Variants in NACA observed in about 807,000 individuals in gnomAD.
NACA encodes nascent polypeptide associated complex subunit alpha.
NACA carries 42 observed loss-of-function variants against 86.4 expected under a neutral mutation model. That is an observed-to-expected ratio of 0.49 (90% CI 0.38 to 0.63). The LOEUF is 0.63. Among genes scored for constraint, NACA ranks in the 20% least tolerant of loss-of-function variants. The probability of loss-of-function intolerance (pLI) is 0.00; values close to 1 mark genes in which losing one functional copy is unlikely to be tolerated. For synonymous variants in NACA, 898 were observed against 973.7 expected, an observed-to-expected ratio of 0.92 and a Z score of 1.45; for missense variants, 2,157 against 2,483.6, an observed-to-expected ratio of 0.87 and a Z score of 2.80.
Position 56,718,945 on chromosome 12 carries a change from T to C in NACA, c.2585A>G (p.Lys862Arg), listed in dbSNP as rs750990169. 169 of 1,444,508 alleles carry C rather than the reference T, an allele frequency of 1.2e-4. No individual in the cohort carries two copies. Among genetic ancestry groups the C allele is most frequent in the Non-Finnish European group, 1.4e-4 (150 of 1,069,872 alleles). The allele number at this position is 1,444,508 out of a possible 1,614,324, so 89.5% of individuals were successfully genotyped here. Residue 862 changes from lysine to arginine, a missense_variant, in exon 3 of 9, where the codon AAA (lysine) becomes AGA (arginine). Physicochemically the swap from Lys to Arg is conservative, Grantham distance 26. Around this residue, in one of 8 missense-constraint regions of NACA, gnomAD observed 174 missense variants for 217.0 expected, o/e 0.80. Coordinates refer to ENST00000454682, the MANE Select transcript of NACA (RefSeq NM_001365896.1). ...CACAGCTGAGGGAGTAGGGGCCCCTTTGGGGGATGGAGGAGTGGGAGAATG... is the reference window on the plus strand; with the variant it reads ...CACAGCTGAGGGAGTAGGGGCCCCTCTGGGGGATGGAGGAGTGGGAGAATG... Reference protein sequence around the residue: ...TTHSPTPPSPKGAPTPSAVTP... With the variant: ...TTHSPTPPSPRGAPTPSAVTP...
chr12:56,718,876 G>T lies in NACA; in HGVS notation c.2654C>A (p.Thr885Asn), dbSNP rs781636807. ...PKGVTLPPKE[T>N]PTPSVVNLPF... The stretch of plus-strand genomic sequence containing the variant: ...CAGATTCACCACTGAAGGAGTGGGG[G>T]TCTCTTTGGGGGGTAGTGTTACTCC... The change falls in exon 3 of 9, where the codon ACC (threonine) becomes AAC (asparagine). Residue 885 changes from threonine to asparagine, a missense_variant. Transcript: ENST00000454682. The T allele has an allele frequency of 7.8e-6, 11 of 1,418,526 alleles. No homozygotes were observed. Among genetic ancestry groups the T allele is most frequent in the African/African-American group, 1.5e-5 (1 of 68,114 alleles). The allele number at this position is 1,418,526 out of a possible 1,614,324, so 87.9% of individuals were successfully genotyped here.
At chr12:56,721,788 GAAC>G (rs1403370488) in intron 2 of NACA, among the ~76,000 whole-genome samples, 1 of 152,184 alleles carries the variant, frequency 6.6e-6, no homozygotes, top group African/African-American at 2.4e-5. Flanking sequence ...GGTAGGTTGA[GAAC>G]AACATGCTTT....
intron 1 of NACA, 172 bp from the exon 2 acceptor site, chr12:56,724,695 G>A (rs746584701): frequency 1.6e-6 from 1 of 635,034 alleles, no homozygotes; most frequent in Non-Finnish European, 2.7e-6. Flanking sequence ...AATATGATGT[G>A]ACCCTCACGC....
intron 3 of NACA, 63 bp downstream of exon 3, chr12:56,715,808 G>T: frequency 7.1e-7 from 1 of 1,403,726 alleles, no homozygotes; most frequent in Non-Finnish European, 9.5e-7. Context: ...GTATTGGTGG[G>T]TAGCGCCCAA....
At chr12:56,722,182 TACTC>T (rs973047873) in intron 2 of NACA, among the ~76,000 whole-genome samples, 10 of 152,204 alleles carry the variant, frequency 6.6e-5, no homozygotes, top group African/African-American at 2.2e-4. Context: ...CCAGTTTACT[TACTC>T]ACAAAACCCA....
chr12:56,722,271 T>C (rs914717052), intron 2 of NACA, among the ~76,000 whole-genome samples: 3 of 152,174 alleles, frequency 2.0e-5, no homozygotes, highest in African/African-American at 7.2e-5. Flanking sequence ...TCTTCAGACA[T>C]CAATCCAAGA....
Position 56,720,224 on chromosome 12 carries a change from C to T in NACA, c.1306G>A (p.Val436Ile), listed in dbSNP as rs1285669521. 2 of 1,613,832 alleles carry T rather than the reference C, an allele frequency of 1.2e-6. No homozygotes were observed. The highest frequency in any genetic ancestry group is 1.7e-6 in the Non-Finnish European group (2 of 1,179,864). ...GTCACCACAAGTGGGGTGGTTCCAA[C>T]AGAAGAAACGGGCATTTGGGCCACT... The part of the protein sequence containing the change: ...PLVAQMPVSS[V>I]GTTPLVVTNP... The change falls in exon 3 of 9, where the codon GTT becomes ATT. Residue 436 changes from valine to isoleucine, a missense_variant. Coordinates refer to ENST00000454682, the MANE Select transcript of NACA (RefSeq NM_001365896.1).
chr12:56,714,217 G>A, intron 5 of NACA, 145 bp downstream of exon 5: 1 of 725,572 alleles, frequency 1.4e-6, no homozygotes, highest in South Asian at 1.8e-5. Context: ...TGGGTGACAG[G>A]TGCACCAAAA....
rs1291270608 is a variant in NACA at position 56,716,722 on chromosome 12, G to A, written c.4808C>T (p.Pro1603Leu). The A allele has an allele frequency of 4.3e-6, 6 of 1,401,404 alleles. No individual in the cohort carries two copies. The highest frequency in any genetic ancestry group is 3.8e-6 in the Non-Finnish European group (4 of 1,052,986). The allele number at this position is 1,401,404 out of a possible 1,614,324, so 86.8% of individuals were successfully genotyped here. ...APSPKELLIP[P>L]AVTSPSPKEA... is the part of the protein sequence containing the mutation. ...TTTGGGGGAAGGAGAAGTCACAGCT[G>A]GTGGAATGAGGAGCTCTTTGGGGGA... Residue 1603 changes from proline (P) to leucine (L), a missense_variant, in exon 3 of 9, where the codon CCA becomes CTA. Physicochemically the swap from Pro to Leu is moderately conservative, Grantham distance 98 (BLOSUM62 -3). Transcript: ENST00000454682.
Position 56,718,853 on chromosome 12 carries a change from G to A in NACA, c.2677C>T (p.Leu893=), listed in dbSNP as rs11171951. ...GCTGGACCCTCTTTGGGGAAGGGCA[G>A]ATTCACCACTGAAGGAGTGGGGGTC... ...KETPTPSVVN[L]PFPKEGPATP... is the part of the protein sequence containing the mutation. The change falls in exon 3 of 9, where the codon CTG becomes TTG. Residue 893 remains leucine, a synonymous_variant. Coordinates refer to ENST00000454682, the MANE Select transcript of NACA (RefSeq NM_001365896.1). The A allele has an allele frequency of 0.63, 903,647 of 1,428,996 alleles. 289,341 individuals are homozygous for A. Among genetic ancestry groups the A allele is most frequent in the South Asian group, 0.74 (63,784 of 86,704 alleles). 88.5% of individuals were successfully genotyped at this position (1,428,996 alleles called of 1,614,324 possible).
At position 56,714,669 on chromosome 12, in the gene NACA, T is replaced by A. The variant is rs1953302825; in HGVS notation, c.5678A>T (p.Asp1893Val). 6.2e-7 allele frequency: 1 copy of A among 1,614,070 alleles called. No homozygotes were observed. Among genetic ancestry groups the A allele is most frequent in the South Asian group, 1.1e-5 (1 of 91,086 alleles). The change falls in exon 4 of 9, where the codon GAC (aspartate) becomes GTC (valine). Residue 1893 changes from aspartate (D) to valine (V), a missense_variant. This residue lies in a region of NACA where 797 missense variants were observed against 777.6 expected (regional missense o/e 1.02). Coordinates refer to ENST00000454682, the MANE Select transcript of NACA (RefSeq NM_001365896.1). ...AAGCTCTGGTACTGATTCATCACTG[T>A]CAGATTCTGTTCCAGACCCTAAGAT... ...KNNKGSGTES[D>V]SDESVPELEE... is the part of the protein sequence containing the mutation.
chr12:56,724,642 G>A, intron 1 of NACA, 119 bp from the exon 2 acceptor site: 2 of 1,087,754 alleles, frequency 1.8e-6, no homozygotes, highest in Non-Finnish European at 2.7e-6. Context: ...TCGTGAGGGT[G>A]TTTGGTGACA....
chr12:56,718,777 G>C lies in NACA; in HGVS notation c.2753C>G (p.Pro918Arg), dbSNP rs904657565. ...GGCTGGAGTTGCTCGGGCCTTTTTG[G>C]GGGAGGAAGAAGTCATGGATAGAGC... ...APALSMTSSS[P>R]KKARATPAPK... is the part of the protein sequence containing the mutation. Residue 918 changes from proline to arginine, a missense_variant, in exon 3 of 9, where the codon CCC becomes CGC. Around this residue, in one of 8 missense-constraint regions of NACA, gnomAD observed 174 missense variants for 217.0 expected, o/e 0.80. Transcript: ENST00000454682. 31 of 1,445,966 alleles carry C rather than the reference G, an allele frequency of 2.1e-5. No homozygotes were observed. Among genetic ancestry groups the C allele is most frequent in the Non-Finnish European group, 2.4e-5 (26 of 1,071,060 alleles). The allele number at this position is 1,445,966 out of a possible 1,614,324, so 89.6% of individuals were successfully genotyped here.
intron 6 of NACA, 66 bp from the exon 7 acceptor site, chr12:56,713,256 T>C: frequency 6.4e-7 from 1 of 1,558,062 alleles, no homozygotes; most frequent in Non-Finnish European, 8.7e-7. Flanking sequence ...AATCATATAG[T>C]TTCACAACTC....
Position 56,720,806 on chromosome 12 carries a change from C to A in NACA, c.724G>T (p.Ala242Ser), listed in dbSNP as rs547750565. The stretch of plus-strand genomic sequence containing the variant: ...GTGGTATCTTTGACTTGAGGGGAAG[C>A]GATGGCTAGGGTAGTTGTGGGTGTT... ...QTTPTTTLAI[A>S]SPQVKDTTIS... Residue 242 changes from alanine to serine, a missense_variant, in exon 3 of 9, where the codon GCT (alanine) becomes TCT (serine). Ala to Ser is a moderately conservative substitution (Grantham distance 99). Transcript: ENST00000454682. 4 of 1,613,916 alleles carry A rather than the reference C, an allele frequency of 2.5e-6. No homozygotes were observed. The highest frequency in any genetic ancestry group is 1.6e-4 in the Middle Eastern group (1 of 6,062).
In NACA at chr12:56,718,615, G is replaced by A. The variant is rs1304695032; in HGVS notation, c.2915C>T (p.Ser972Phe). Residue 972 changes from serine to phenylalanine, a missense_variant, in exon 3 of 9, where the codon TCC becomes TTC. Coordinates refer to ENST00000454682, the MANE Select transcript of NACA (RefSeq NM_001365896.1). ...APTPPAATPP[S>F]PKGGPATPSP... Reference sequence around the variant, plus strand: ...TGGAGTAGCTGGACCTCCTTTTGGGGAGGGAGGAGTTGCAGCTGGGGGTGT... The same window carrying A: ...TGGAGTAGCTGGACCTCCTTTTGGGAAGGGAGGAGTTGCAGCTGGGGGTGT... The A allele has an allele frequency of 2.3e-6, 3 of 1,329,192 alleles. No homozygotes were observed. The East Asian group carries it at 1.0e-4, about 45-fold the overall frequency. 82.3% of individuals were successfully genotyped at this position (1,329,192 alleles called of 1,614,324 possible). A position where few individuals can be genotyped will look rare whatever the true frequency, so the allele number is the denominator to read the frequency against.
chr12:56,722,705 C>CAAAAAAAACAAAA (rs1367020756), intron 2 of NACA, among the ~76,000 whole-genome samples: 19 of 48,692 alleles, frequency 3.9e-4, no homozygotes, highest in Non-Finnish European at 8.2e-4. Context: ...ACAAAACAAA[C>CAAAAAAAACAAAA]CAAAGAAGAC....
chr12:56,716,995 G>A lies in NACA; in HGVS notation c.4535C>T (p.Ser1512Phe). 7.8e-7 allele frequency: 1 copy of A among 1,285,678 alleles called. No homozygotes were observed. The highest frequency in any genetic ancestry group is 1.7e-5 in the South Asian group (1 of 59,682). The allele number at this position is 1,285,678 out of a possible 1,614,324, so 79.6% of individuals were successfully genotyped here. A position where few individuals can be genotyped will look rare whatever the true frequency, so the allele number is the denominator to read the frequency against. The part of the protein sequence containing the change: ...APTLPAVIPS[S>F]PKEVPATPSS... ...TGGGGTAGCTGGGACCTCTTTGGGGGAAGAAGGAATCACAGCTGGCAGAGT... is the reference window on the plus strand; with the variant it reads ...TGGGGTAGCTGGGACCTCTTTGGGGAAAGAAGGAATCACAGCTGGCAGAGT... The change falls in exon 3 of 9, where the codon TCC becomes TTC. Residue 1512 changes from serine (S) to phenylalanine (F), a missense_variant. Physicochemically the swap from Ser to Phe is radical, Grantham distance 155 (BLOSUM62 -2). Around this residue, in one of 8 missense-constraint regions of NACA, gnomAD observed 797 missense variants for 777.6 expected, o/e 1.02. Coordinates refer to ENST00000454682, the MANE Select transcript of NACA (RefSeq NM_001365896.1).
At position 56,718,328 on chromosome 12, in the gene NACA, T is replaced by A; in HGVS notation, c.3202A>T (p.Lys1068Ter). Residue 1068 changes from lysine (K) to a stop codon, truncating the protein, a stop_gained, in exon 3 of 9, where the codon AAA becomes TAA. Transcript: ENST00000454682. LOFTEE classifies it high-confidence loss of function. ...TTPAATLPSP[K>*]GGPATPSLKG... is the part of the protein sequence containing the mutation. ...AGGGATGGGGTAGCTGGACCTCCTT[T>A]TGGGGAGGGAAGAGTTGCAGCTGGG... The A allele has an allele frequency of 8.9e-7, 1 of 1,129,802 alleles. No homozygotes were observed. The highest frequency in any genetic ancestry group is 1.1e-6 in the Non-Finnish European group (1 of 911,196). 70.0% of individuals were successfully genotyped at this position (1,129,802 alleles called of 1,614,324 possible). A position where few individuals can be genotyped will look rare whatever the true frequency, so the allele number is the denominator to read the frequency against.
Sources: allele counts gnomAD v4.1 joint callset (sites outside exome capture counted in the v4.1 genomes callset), GRCh38; gene constraint gnomAD v4.1.1; regional missense constraint gnomAD v4.1.1; transcripts MANE v1.5; gene names NCBI Gene and HGNC (gene_info 2026-07-23, HGNC 2026-07-21).